Variants in ZNF444 observed in about 807,000 individuals in gnomAD.
ZNF444 encodes zinc finger protein 444.
Under a neutral mutation model 14.4 loss-of-function variants are expected in ZNF444, and 8 were observed. That is an observed-to-expected ratio of 0.56 (90% CI 0.33 to 1.00). ZNF444 has a LOEUF of 1.00. Ranked by LOEUF, ZNF444 falls within the 50% of genes least tolerant of loss-of-function variation. ZNF444 has a pLI of 0.03. For missense variants in ZNF444, 510 were observed against 504.8 expected, an observed-to-expected ratio of 1.01 and a Z score of -0.10; for synonymous variants, 258 against 235.9, an observed-to-expected ratio of 1.09 and a Z score of -0.86.
At position 56,160,369 on chromosome 19, in the gene ZNF444, T is replaced by C; in HGVS notation, c.*168T>C. ...CAACGCCTTCCTATTCCTTTCCAACTCCTTTTCCCCCAAATTTCACTTTCC... is the reference window on the plus strand; with the variant it reads ...CAACGCCTTCCTATTCCTTTCCAACCCCTTTTCCCCCAAATTTCACTTTCC... On this transcript the variant is annotated 3_prime_UTR_variant, in exon 5 of 5. Transcript: ENST00000337080. 1.9e-6 allele frequency: 1 copy of C among 537,852 alleles called. No individual in the cohort carries two copies. Among genetic ancestry groups the C allele is most frequent in the South Asian group, 2.9e-5 (1 of 34,846 alleles). The allele number at this position is 537,852 out of a possible 1,614,324, so 33.3% of individuals were successfully genotyped here. A position where few individuals can be genotyped will look rare whatever the true frequency, so the allele number is the denominator to read the frequency against.
chr19:56,158,802 C>A (rs2032070819), intron 4 of ZNF444, among the ~76,000 whole-genome samples, 200 bp downstream of exon 4: 1 of 152,008 alleles, frequency 6.6e-6, no homozygotes, highest in Non-Finnish European at 1.5e-5. Context: ...ATCCATCTAT[C>A]CATCCATGCA....
chr19:56,142,178 C>T (rs766244430), intron 1 of ZNF444: 8 of 152,178 alleles, frequency 5.3e-5, no homozygotes, highest in South Asian at 2.1e-4. Flanking sequence ...CTGGGCACCT[C>T]GCAGGGAAAC....
Position 56,159,944 on chromosome 19 carries a change from C to A in ZNF444, c.727C>A (p.Leu243Met), listed in dbSNP as rs1418556995. 6.7e-7 allele frequency: 1 copy of A among 1,503,090 alleles called. No individual in the cohort carries two copies. Among genetic ancestry groups the A allele is most frequent in the Non-Finnish European group, 8.8e-7 (1 of 1,131,984 alleles). The allele number at this position is 1,503,090 out of a possible 1,614,324, so 93.1% of individuals were successfully genotyped here. ...PGSPGPALRP[L>M]PAREKPHACC... ...CAGCCCCGGGCCCGCGCTGCGCCCT[C>A]TGCCCGCCCGTGAGAAGCCCCACGC... Residue 243 changes from leucine to methionine, a missense_variant, in exon 5 of 5, where the codon CTG (leucine) becomes ATG (methionine). Physicochemically the swap from Leu to Met is conservative, Grantham distance 15. Coordinates refer to ENST00000337080, the MANE Select transcript of ZNF444 (RefSeq NM_018337.4).
At chr19:56,141,252 C>CG (rs1336266789), upstream of ZNF444, 1 of 69,808 alleles carries the variant, frequency 1.4e-5, no homozygotes, top group Non-Finnish European at 2.7e-5. Flanking sequence ...GGGAGGGGGA[C>CG]GGGGGAGTTT....
chr19:56,145,299 A>G lies in ZNF444; in HGVS notation c.-196-948A>G, dbSNP rs996342588. Among the ~76,000 whole-genome samples, 2 of 152,332 alleles carry G rather than the reference A, an allele frequency of 1.3e-5. No individual in the cohort carries two copies. The highest frequency in any genetic ancestry group is 6.5e-5 in the Admixed American group (1 of 15,300). ...TTTATTAATGCATTTAAAAATGGCA[A>G]TCACGGCTGGGCGTGGTGGCTCATG... is the stretch of plus-strand genomic sequence containing the variant. On this transcript the variant is annotated intron_variant, in intron 1 of 4. Transcript: ENST00000337080. The surrounding 1 kb of genome is among the most constrained non-coding windows in gnomAD (Gnocchi z 4.3).
rs1327478763 is a variant in ZNF444, at chr19:56,147,489, A to G, written c.297+281A>G. Among the ~76,000 whole-genome samples, 3 of 152,204 alleles carry G rather than the reference A, an allele frequency of 2.0e-5. No homozygotes were observed. The highest frequency in any genetic ancestry group is 4.1e-4 in the South Asian group (2 of 4,828). On this transcript the variant is annotated intron_variant, in intron 3 of 4. Transcript: ENST00000337080. The surrounding 1 kb of genome is among the most constrained non-coding windows in gnomAD (Gnocchi z 5.9). ...CACGGTCACGGCTTATCAGAGAAGG[A>G]CGTGCTGGAAGCAGCTGGGAAGAAG...
rs148474102 is a variant in ZNF444, at chr19:56,149,876, G to C, written c.297+2668G>C. ...ACTGTGGTCACGTCTTAGGTCACCT[G>C]TGATGACATTCGGCCCGTCAGGATA... On this transcript the variant is annotated intron_variant, in intron 3 of 4. Coordinates refer to ENST00000337080, the MANE Select transcript of ZNF444 (RefSeq NM_018337.4). 4.8e-3 allele frequency: 739 copies of C among 153,862 alleles called. 6 individuals carry two copies. The highest frequency in any genetic ancestry group is 0.017 in the African/African-American group (704 of 41,532). The allele number at this position is 153,862 out of a possible 1,614,324, so 9.5% of individuals were successfully genotyped here.
Position 56,160,092 on chromosome 19 carries a change from A to ACGTGCTGCGCCACCAGCGCATCCACGGCC in ZNF444, c.876_904dup (p.Arg302ProfsTer20), listed in dbSNP as rs1321934121. 5 of 1,499,568 alleles carry ACGTGCTGCGCCACCAGCGCATCCACGGCC rather than the reference A, an allele frequency of 3.3e-6. No individual in the cohort carries two copies. In the South Asian group the frequency reaches 6.2e-5, roughly 18 times the overall value. 92.9% of individuals were successfully genotyped at this position (1,499,568 alleles called of 1,614,324 possible). The stretch of plus-strand genomic sequence containing the variant: ...GGCAAGGGCTTCGGGCGCCGCGAGC[A>ACGTGCTGCGCCACCAGCGCATCCACGGCC]CGTGCTGCGCCACCAGCGCATCCAC... On this transcript the variant is annotated frameshift_variant, in exon 5 of 5. Transcript: ENST00000337080. LOFTEE classifies it low-confidence loss of function (END_TRUNC).
At chr19:56,158,419 C>A in intron 3 of ZNF444, 75 bp from the exon 4 acceptor site, 2 of 1,364,500 alleles carry the variant, frequency 1.5e-6, no homozygotes, top group South Asian at 2.8e-5. Flanking sequence ...CACAGCTGGT[C>A]GACGGTGGTT....
Position 56,160,413 on chromosome 19 carries a change from G to GCC in ZNF444, c.*219_*220dup, listed in dbSNP as rs558937136. The GCC allele has an allele frequency of 4.2e-6, 2 of 479,876 alleles. No homozygotes were observed. The highest frequency in any genetic ancestry group is 3.6e-6 in the Non-Finnish European group (1 of 276,108). The allele number at this position is 479,876 out of a possible 1,614,324, so 29.7% of individuals were successfully genotyped here. A position where few individuals can be genotyped will look rare whatever the true frequency, so the allele number is the denominator to read the frequency against. Reference sequence around the variant, plus strand: ...ACTTTCCTTCTCAGGTCTCACCTCAGCCCCCCCCTTCTCCCTGATTTCTCG... The same window carrying GCC: ...ACTTTCCTTCTCAGGTCTCACCTCAGCCCCCCCCCCTTCTCCCTGATTTCTCG... On this transcript the variant is annotated 3_prime_UTR_variant, in exon 5 of 5. Transcript: ENST00000337080.
rs2123486626 is a variant in ZNF444 at position 56,147,159 on chromosome 19, G to T, written c.248G>T (p.Arg83Leu). 6.6e-7 allele frequency: 1 copy of T among 1,509,778 alleles called. No homozygotes were observed. The highest frequency in any genetic ancestry group is 8.8e-7 in the Non-Finnish European group (1 of 1,135,456). The allele number at this position is 1,509,778 out of a possible 1,614,324, so 93.5% of individuals were successfully genotyped here. A position where few individuals can be genotyped will look rare whatever the true frequency, so the allele number is the denominator to read the frequency against. Residue 83 changes from arginine to leucine, a missense_variant, in exon 3 of 5, where the codon CGG becomes CTG. Transcript: ENST00000337080. The surrounding 1 kb of genome is among the most constrained non-coding windows in gnomAD (Gnocchi z 5.9). Reference sequence around the variant, plus strand: ...GACACGCAGGCCTGGGTGTGCAGCCGGCAGCCGCAGAGCGGGGAGGAGGCG... The same window carrying T: ...GACACGCAGGCCTGGGTGTGCAGCCTGCAGCCGCAGAGCGGGGAGGAGGCG... ...PADTQAWVCS[R>L]QPQSGEEAVA... is the part of the protein sequence containing the mutation.
chr19:56,137,229 G>C (rs550256204), upstream of ZNF444, among the ~76,000 whole-genome samples: 3 of 151,900 alleles, frequency 2.0e-5, no homozygotes, highest in South Asian at 6.2e-4. Flanking sequence ...CCAGCACTTT[G>C]GGAGGCCGAG....
chr19:56,136,117 CCCGCTCCTTATTG>C lies in ZNF444; in HGVS notation c.-197+3340_-197+3352del, dbSNP rs2030605425. On this transcript the variant is annotated intron_variant, in intron 1 of 2. Transcript: ENST00000587467. ...AAAAAAAAAAGCTAAAAAAAAAGGA[CCCGCTCCTTATTG>C]GGCCCTTGGGCCCTTATTAACCACG... is the stretch of plus-strand genomic sequence containing the variant. Among the ~76,000 whole-genome samples, 3 of 133,352 alleles carry C rather than the reference CCCGCTCCTTATTG, an allele frequency of 2.2e-5. No individual in the cohort carries two copies. The South Asian group carries it at 7.3e-4, about 33-fold the overall frequency. The allele number at this position is 133,352 out of a possible 152,430, so 87.5% of individuals were successfully genotyped here. A position where few individuals can be genotyped will look rare whatever the true frequency, so the allele number is the denominator to read the frequency against.
At position 56,147,497 on chromosome 19, in the gene ZNF444, G is replaced by C. The variant is rs1042081301; in HGVS notation, c.297+289G>C. Among the ~76,000 whole-genome samples, 1 of 152,144 alleles carries C rather than the reference G, an allele frequency of 6.6e-6. No individual in the cohort carries two copies. Among genetic ancestry groups the C allele is most frequent in the African/African-American group, 2.4e-5 (1 of 41,418 alleles). On this transcript the variant is annotated intron_variant, in intron 3 of 4. Coordinates refer to ENST00000337080, the MANE Select transcript of ZNF444 (RefSeq NM_018337.4). This position sits in a 1 kb window ranked among gnomAD's most constrained non-coding sequence, Gnocchi z 5.9. The stretch of plus-strand genomic sequence containing the variant: ...CGGCTTATCAGAGAAGGACGTGCTG[G>C]AAGCAGCTGGGAAGAAGGCCACGAA...
intron 1 of ZNF444, among the ~76,000 whole-genome samples, chr19:56,141,960 A>G (rs1342454739): frequency 6.6e-6 from 1 of 152,176 alleles, no homozygotes; most frequent in Non-Finnish European, 1.5e-5. Flanking sequence ...AGTGCGGAGC[A>G]TCTGCCTTTT....
chr19:56,133,022 C>T (rs1303488375), intron 1 of ZNF444, among the ~76,000 whole-genome samples: 1 of 147,612 alleles, frequency 6.8e-6, no homozygotes. Context: ...ACTGCAACCT[C>T]CACCTCTTAG....
chr19:56,152,031 AC>A (rs1169062010), intron 3 of ZNF444: 2 of 405,638 alleles, frequency 4.9e-6, no homozygotes, highest in Non-Finnish European at 9.8e-6. Flanking sequence ...TCACCTGGAA[AC>A]TTTTAAAAAA....
At chr19:56,140,578 C>T (rs530752442), upstream of ZNF444, among the ~76,000 whole-genome samples, 63 of 152,216 alleles carry the variant, frequency 4.1e-4, no homozygotes, top group African/African-American at 1.3e-3. Context: ...CCGCGCTGGC[C>T]CCCTCCTGAG....
intron 2 of ZNF444, 38 bp from the exon 3 acceptor site, chr19:56,146,852 C>A: frequency 7.6e-7 from 1 of 1,323,368 alleles, no homozygotes; most frequent in South Asian, 1.9e-5. Flanking sequence ...CGGGCAGGGT[C>A]TCGGCGGGCA....
Sources: allele counts gnomAD v4.1 joint callset (sites outside exome capture counted in the v4.1 genomes callset), GRCh38; gene constraint gnomAD v4.1.1; non-coding constraint Gnocchi (gnomAD v3.1); transcripts MANE v1.5; gene names NCBI Gene and HGNC (gene_info 2026-07-23, HGNC 2026-07-21).